Variants in DHX30 observed in about 807,000 individuals in gnomAD.
DHX30 encodes ATP-dependent RNA helicase DHX30.
Under a neutral mutation model 116.9 loss-of-function variants are expected in DHX30, and 4 were observed. That is an observed-to-expected ratio of 0.03 (90% CI 0.02 to 0.08). DHX30 has a LOEUF of 0.08. DHX30 is among the 10% of genes least tolerant of loss of function. The pLI is 1.00. For synonymous variants in DHX30, 697 were observed against 651.7 expected (o/e 1.07, Z -1.06); for missense variants, 871 against 1,595.1 (o/e 0.55, Z 7.73).
intron 6 of DHX30, among the ~76,000 whole-genome samples, chr3:47,840,219 G>T (rs1254958243): frequency 6.7e-6 from 1 of 150,240 alleles, no homozygotes; most frequent in African/African-American, 2.4e-5. Flanking sequence ...GGATGGTCTC[G>T]ATCTCCTGAC....
At position 47,840,648 on chromosome 3, in the gene DHX30, A is replaced by G. The variant is rs1039729025; in HGVS notation, c.367-229A>G. On this transcript the variant is annotated intron_variant, in intron 6 of 21. Transcript: ENST00000445061. The stretch of plus-strand genomic sequence containing the variant: ...GAGACCCTGTGTCAAAAAAACAAAA[A>G]ACAAACAGTATCTTCTGCTCACCCA... 7.2e-5 allele frequency among the ~76,000 whole-genome samples: 11 copies of G among 152,172 alleles called. 1 individual carries two copies. The highest frequency in any genetic ancestry group is 5.9e-4 in the Admixed American group (9 of 15,290).
intron 4 of DHX30, among the ~76,000 whole-genome samples, chr3:47,818,847 C>T (rs1222132896): frequency 6.6e-6 from 1 of 152,188 alleles, no homozygotes; most frequent in African/African-American, 2.4e-5. Flanking sequence ...AATAGCTGCT[C>T]TTTTCTGCCC....
At chr3:47,804,329 T>G (rs1576451672) in intron 1 of DHX30, among the ~76,000 whole-genome samples, 1 of 151,958 alleles carries the variant, frequency 6.6e-6, no homozygotes, top group Admixed American at 6.6e-5. Context: ...CCGAGGCGGG[T>G]GGATCACCTG....
At chr3:47,845,517 T>A in intron 9 of DHX30, 183 bp from the exon 10 acceptor site, 1 of 663,402 alleles carries the variant, frequency 1.5e-6, no homozygotes, top group Non-Finnish European at 2.2e-6. Flanking sequence ...TTTTAAAACG[T>A]TTATTTTGGT....
At chr3:47,844,187 G>C (rs1167976896) in intron 9 of DHX30, among the ~76,000 whole-genome samples, 1 of 152,196 alleles carries the variant, frequency 6.6e-6, no homozygotes, top group Non-Finnish European at 1.5e-5. Context: ...CATTTCATGG[G>C]TACAGTTGGC....
intron 3 of DHX30, 73 bp downstream of exon 3, chr3:47,810,784 T>G: frequency 6.8e-7 from 1 of 1,463,700 alleles, no homozygotes; most frequent in Non-Finnish European, 9.6e-7. Context: ...GCTGTGAAAG[T>G]CTCTCCCCAG....
intron 6 of DHX30, 136 bp from the exon 7 acceptor site, chr3:47,840,741 A>T: frequency 9.7e-7 from 1 of 1,028,508 alleles, no homozygotes; most frequent in East Asian, 2.6e-5. Flanking sequence ...CCAGTTCTGG[A>T]CTAGGGGCTG....
rs533712952 is a variant in DHX30 at position 47,848,598 on chromosome 3, T to C, written c.2576-26T>C. 1 of 1,613,616 alleles carries C rather than the reference T, an allele frequency of 6.2e-7. No homozygotes were observed. Among genetic ancestry groups the C allele is most frequent in the Admixed American group, 1.7e-5 (1 of 59,968 alleles). On this transcript the variant is annotated intron_variant, in intron 16 of 21. Coordinates refer to ENST00000445061, the MANE Select transcript of DHX30 (RefSeq NM_138615.3). The surrounding 1 kb of genome is among the most constrained non-coding windows in gnomAD (Gnocchi z 9.4). ...TGGGCTGGGGAGTGGCTCTCGAGGG[T>C]GGTACTGACAGCTGAGCCGTTGCAG...
chr3:47,847,843 C>T lies in DHX30; in HGVS notation c.2173C>T (p.Arg725Cys), dbSNP rs770016067. The T allele has an allele frequency of 2.5e-6, 4 of 1,614,132 alleles. No homozygotes were observed. Among genetic ancestry groups the T allele is most frequent in the Non-Finnish European group, 3.4e-6 (4 of 1,180,022 alleles). ...AIFQQPPVGV[R>C]KIVLATNIAE... ...ATTCCAGCAGCCTCCAGTTGGGGTG[C>T]GCAAGATTGTCTTGGCCACCAACAT... The change falls in exon 14 of 22, where the codon CGC (arginine) becomes TGC (cysteine). Residue 725 changes from arginine (R) to cysteine (C), a missense_variant. Physicochemically the swap from Arg to Cys is radical, Grantham distance 180 (BLOSUM62 -3). Coordinates refer to ENST00000445061, the MANE Select transcript of DHX30 (RefSeq NM_138615.3). This position sits in a 1 kb window ranked among gnomAD's most constrained non-coding sequence, Gnocchi z 5.5.
At chr3:47,842,981 T>A in intron 8 of DHX30, 125 bp from the exon 9 acceptor site, 1 of 1,239,756 alleles carries the variant, frequency 8.1e-7, no homozygotes, top group East Asian at 2.3e-5. Context: ...CTAGCATGGC[T>A]CACGCCTGGC....
chr3:47,833,598 G>A (rs1004796605), intron 6 of DHX30, among the ~76,000 whole-genome samples: 3 of 149,068 alleles, frequency 2.0e-5, no homozygotes, highest in Admixed American at 1.4e-4. Context: ...GCTGGCTCAT[G>A]CCTGTAATCT....
intron 9 of DHX30, 107 bp from the exon 10 acceptor site, chr3:47,845,593 C>T (rs2037569085): frequency 7.5e-7 from 1 of 1,326,006 alleles, no homozygotes; most frequent in Non-Finnish European, 9.9e-7. Context: ...TCCAAAATCT[C>T]TTAGAGATTA....
Position 47,847,362 on chromosome 3 carries a change from C to A in DHX30, c.2005+14C>A. On this transcript the variant is annotated intron_variant, in intron 12 of 21. Coordinates refer to ENST00000445061, the MANE Select transcript of DHX30 (RefSeq NM_138615.3). The surrounding 1 kb of genome is among the most constrained non-coding windows in gnomAD (Gnocchi z 5.5). ...GCGGGGAACCAGGTGGGTGCCTCCC[C>A]ATCTGTCCCATGCTAGCCCTGGCCA... is the stretch of plus-strand genomic sequence containing the variant. The A allele has an allele frequency of 6.2e-7, 1 of 1,614,248 alleles. No homozygotes were observed. Among genetic ancestry groups the A allele is most frequent in the East Asian group, 2.2e-5 (1 of 44,882 alleles).
At chr3:47,803,710 G>C (rs767838676) in intron 1 of DHX30, among the ~76,000 whole-genome samples, 1 of 152,212 alleles carries the variant, frequency 6.6e-6, no homozygotes, top group Admixed American at 6.5e-5. Context: ...CACCGACCTT[G>C]TCACTGGGGG....
At chr3:47,841,933 G>A (rs2037393349) in intron 8 of DHX30, 196 bp downstream of exon 8, 3 of 713,372 alleles carry the variant, frequency 4.2e-6, no homozygotes, top group Admixed American at 2.8e-5. Context: ...AGCACAGGGA[G>A]TGGGCTTGGG....
intron 6 of DHX30, among the ~76,000 whole-genome samples, chr3:47,830,312 G>T (rs1183299438): frequency 2.6e-5 from 4 of 151,244 alleles, no homozygotes; most frequent in African/African-American, 9.7e-5. Flanking sequence ...GGTGGGTGTG[G>T]TGGCAGGCAC....
At chr3:47,808,767 G>A (rs1361833266) in intron 2 of DHX30, among the ~76,000 whole-genome samples, 3 of 151,352 alleles carry the variant, frequency 2.0e-5, no homozygotes, top group East Asian at 3.9e-4. Context: ...CTGGGGGCGA[G>A]GTTTCCTCAT....
chr3:47,848,256 C>G lies in DHX30; in HGVS notation c.2363C>G (p.Ser788Cys), dbSNP rs1323862704. ...QRRGRAGRCQ[S>C]GFAYHLFPRS... ...CGGGGCCGGGCGGGCCGCTGCCAGT[C>G]CGGCTTTGCCTACCACTTGTTCCCT... The change falls in exon 15 of 22, where the codon TCC becomes TGC. Residue 788 changes from serine to cysteine, a missense_variant. Physicochemically the swap from Ser to Cys is moderately radical, Grantham distance 112. Coordinates refer to ENST00000445061, the MANE Select transcript of DHX30 (RefSeq NM_138615.3). The surrounding 1 kb of genome is among the most constrained non-coding windows in gnomAD (Gnocchi z 9.4). The G allele has an allele frequency of 1.2e-6, 2 of 1,613,512 alleles. No homozygotes were observed. The highest frequency in any genetic ancestry group is 2.7e-5 in the African/African-American group (2 of 74,920).
intron 3 of DHX30, 167 bp from the exon 4 acceptor site, chr3:47,817,855 G>C: frequency 1.4e-6 from 1 of 694,626 alleles, no homozygotes; most frequent in South Asian, 1.5e-5. Context: ...CCTTCTTCCT[G>C]TGTGGCGTTG....
Sources: gnomAD v4.1 joint callset for allele counts (sites outside exome capture counted in the v4.1 genomes callset) on GRCh38, gnomAD v4.1.1 for gene constraint, Gnocchi (gnomAD v3.1) non-coding constraint, MANE v1.5 for transcripts, NCBI Gene and HGNC (gene_info 2026-07-23, HGNC 2026-07-21) for gene names.